ANKRD17: variants seen among roughly 807,000 people sequenced by gnomAD.
ANKRD17 encodes the protein ankyrin repeat domain-containing protein 17.
A neutral mutation model predicts 229.7 loss-of-function variants in ANKRD17; 19 were observed. The ratio of observed to expected loss-of-function variants is 0.08; its 90% CI spans 0.06 to 0.12. The LOEUF is 0.12. ANKRD17 is among the 10% of genes least tolerant of loss of function. The pLI, the probability that ANKRD17 is intolerant of heterozygous loss-of-function variation, is 1.00. For missense variants in ANKRD17, 2,176 were observed against 3,176.8 expected (o/e 0.68, Z 7.57); for synonymous variants, 1,112 against 1,146.1 (o/e 0.97, Z 0.60).
intron 28 of ANKRD17, among the ~76,000 whole-genome samples, chr4:73,093,369 T>C (rs1256165327): frequency 9.5e-5 from 13 of 137,016 alleles, no homozygotes; most frequent in African/African-American, 3.0e-4. Flanking sequence ...AAATCTGAAC[T>C]CAAATTCTTT....
At chr4:73,150,760 T>C (rs1170727436) in intron 7 of ANKRD17, among the ~76,000 whole-genome samples, 1 of 152,214 alleles carries the variant, frequency 6.6e-6, no homozygotes, top group Non-Finnish European at 1.5e-5. Flanking sequence ...AATTTTTCTA[T>C]GATATTTTGG....
chr4:73,083,306 T>C (rs1721760448), intron 30 of ANKRD17, among the ~76,000 whole-genome samples: 1 of 152,246 alleles, frequency 6.6e-6, no homozygotes, highest in South Asian at 2.1e-4. Context: ...ACTGAATTCA[T>C]GTTAACCTAT....
At chr4:73,120,418 A>G (rs894177038) in intron 20 of ANKRD17, 81 bp from the exon 21 acceptor site, 13 of 1,319,892 alleles carry the variant, frequency 9.8e-6, no homozygotes, top group Non-Finnish European at 1.4e-5. Context: ...CAACTTGAAG[A>G]AGGAATATGA....
At chr4:73,163,467 T>C (rs1051265670) in intron 2 of ANKRD17, among the ~76,000 whole-genome samples, 2 of 152,164 alleles carry the variant, frequency 1.3e-5, no homozygotes, top group Non-Finnish European at 2.9e-5. Flanking sequence ...ATGATTCCAA[T>C]GCACATTAAA....
At chr4:73,215,876 G>A (rs945763512) in intron 1 of ANKRD17, among the ~76,000 whole-genome samples, 3 of 152,030 alleles carry the variant, frequency 2.0e-5, no homozygotes, top group Admixed American at 6.6e-5. Flanking sequence ...TAGAGACTTC[G>A]ACCAAATAAT....
intron 11 of ANKRD17, among the ~76,000 whole-genome samples, chr4:73,143,629 G>A (rs1267937991): frequency 1.3e-5 from 2 of 152,164 alleles, no homozygotes; most frequent in Admixed American, 1.3e-4. Context: ...TCGCCAGTAA[G>A]TTATTTCAAA....
chr4:73,106,161 G>A (rs939023479), intron 24 of ANKRD17, among the ~76,000 whole-genome samples: 7 of 152,036 alleles, frequency 4.6e-5, no homozygotes, highest in African/African-American at 1.7e-4. Flanking sequence ...GGAGAATGGC[G>A]TGAACCTGGG....
At chr4:73,171,837 G>C (rs904786676) in intron 2 of ANKRD17, among the ~76,000 whole-genome samples, 1 of 152,146 alleles carries the variant, frequency 6.6e-6, no homozygotes, top group Non-Finnish European at 1.5e-5. Flanking sequence ...GAATTAGTGA[G>C]CTTGCAGACA....
intron 1 of ANKRD17, among the ~76,000 whole-genome samples, chr4:73,233,580 G>A (rs1292166291): frequency 6.6e-6 from 1 of 152,078 alleles, no homozygotes; most frequent in Admixed American, 6.6e-5. Flanking sequence ...GAAGGCCCAA[G>A]ATTGCCACAG....
intron 16 of ANKRD17, among the ~76,000 whole-genome samples, chr4:73,134,831 T>C (rs545344701): frequency 6.6e-6 from 1 of 152,188 alleles, no homozygotes; most frequent in East Asian, 1.9e-4. Context: ...GAAGAAGTTA[T>C]GCACTAATCT....
At chr4:73,106,462 C>A (rs567451214) in intron 24 of ANKRD17, among the ~76,000 whole-genome samples, 1 of 152,086 alleles carries the variant, frequency 6.6e-6, no homozygotes, top group South Asian at 2.1e-4. Context: ...AAGTAGCAAA[C>A]CATAGTGAAA....
In ANKRD17 at chr4:73,258,305, C is replaced by T; in HGVS notation, c.364G>A (p.Asp122Asn). 1 of 1,613,854 alleles carries T rather than the reference C, an allele frequency of 6.2e-7. No homozygotes were observed. Among genetic ancestry groups the T allele is most frequent in the South Asian group, 1.1e-5 (1 of 91,084 alleles). The change falls in exon 1 of 34, where the codon GAC becomes AAC. Residue 122 changes from aspartate (D) to asparagine (N), a missense_variant. By Grantham distance (23) the Asp-to-Asn change is conservative (BLOSUM62 1). Coordinates refer to ENST00000358602, the MANE Select transcript of ANKRD17 (RefSeq NM_032217.5). ...SSNNSEEEED[D>N]DDEEEEVSEV... ...GAAACCTCCTCTTCCTCGTCGTCGT[C>T]GTCCTCTTCTTCCTCGCTGTTGTTA...
At chr4:73,189,570 G>A (rs775304757) in intron 1 of ANKRD17, among the ~76,000 whole-genome samples, 97 of 151,664 alleles carry the variant, frequency 6.4e-4, no homozygotes, top group Non-Finnish European at 1.2e-3. Context: ...CTACCATTCC[G>A]CCCCCTCAGC....
chr4:73,225,253 A>G (rs981092895), intron 1 of ANKRD17, among the ~76,000 whole-genome samples: 15 of 152,268 alleles, frequency 9.9e-5, no homozygotes, highest in Admixed American at 8.5e-4. Flanking sequence ...CTCTAATGCT[A>G]TCAAGCAATG....
chr4:73,257,650 C>G (rs1745577026), intron 1 of ANKRD17, among the ~76,000 whole-genome samples: 1 of 152,178 alleles, frequency 6.6e-6, no homozygotes, highest in Admixed American at 6.5e-5. Flanking sequence ...AGCATCAGTT[C>G]ATCGAAAATC....
chr4:73,089,752 G>T (rs1359525810), intron 29 of ANKRD17, among the ~76,000 whole-genome samples: 1 of 152,048 alleles, frequency 6.6e-6, no homozygotes, highest in Admixed American at 6.6e-5. Context: ...GGAGATCTTT[G>T]TATCTTCTAC....
chr4:73,097,603 A>T (rs77226492), intron 26 of ANKRD17, among the ~76,000 whole-genome samples: 2 of 148,158 alleles, frequency 1.3e-5, no homozygotes, highest in African/African-American at 4.9e-5. Flanking sequence ...TTGGCTAATT[A>T]AAAAAAAAAA....
At chr4:73,136,981 T>TTTTG (rs534358555) in intron 15 of ANKRD17, among the ~76,000 whole-genome samples, 3 of 5,284 alleles carry the variant, frequency 5.7e-4, no homozygotes, top group African/African-American at 1.1e-3. Flanking sequence ...AATTACAGAG[T>TTTTG]TTTTTTTTTT....
intron 1 of ANKRD17, among the ~76,000 whole-genome samples, chr4:73,188,285 G>T (rs187103767): frequency 6.6e-6 from 1 of 151,826 alleles, no homozygotes; most frequent in South Asian, 2.1e-4. Flanking sequence ...TAGCCATAGC[G>T]ATCTTTAAAG....
Sources: allele counts gnomAD v4.1 joint callset (sites outside exome capture counted in the v4.1 genomes callset), GRCh38; gene constraint gnomAD v4.1.1; transcripts MANE v1.5; gene names NCBI Gene and HGNC (gene_info 2026-07-23, HGNC 2026-07-21).